Variants in TMEM207 observed in about 807,000 individuals in gnomAD.
The protein encoded by TMEM207 is transmembrane protein 207.
In TMEM207, 15 loss-of-function variants were observed where a neutral mutation model predicts 17.4. The ratio of observed to expected loss-of-function variants is 0.86; its 90% CI spans 0.58 to 1.33. TMEM207 has a LOEUF of 1.33. Among genes scored for constraint, TMEM207 ranks in the 40% most tolerant of loss-of-function variants. The pLI, the probability that TMEM207 is intolerant of heterozygous loss-of-function variation, is 0.00. For synonymous variants in TMEM207, 70 were observed against 65.6 expected, an observed-to-expected ratio of 1.07 and a Z score of -0.33; for missense variants, 205 against 173.8, an observed-to-expected ratio of 1.18 and a Z score of -1.01.
chr3:190,442,000 C>T (rs534705323), intron 2 of TMEM207, among the ~76,000 whole-genome samples: 5 of 152,272 alleles, frequency 3.3e-5, no homozygotes, highest in Admixed American at 1.3e-4. Context: ...AATGAATGAA[C>T]GTGGCCATAC....
chr3:190,449,782 T>C lies in TMEM207; in HGVS notation c.28A>G (p.Thr10Ala). The C allele has an allele frequency of 6.2e-7, 1 of 1,613,826 alleles. No homozygotes were observed. The highest frequency in any genetic ancestry group is 8.5e-7 in the Non-Finnish European group (1 of 1,179,798). MSRSRLFSVTSAISTIGILC... is the reference protein window; with the variant it reads MSRSRLFSVASAISTIGILC... Reference sequence around the variant, plus strand: ...ATCCCTATCGTTGAGATCGCTGAGGTGACACTGAAAAGTCTGGATCTTGAC... The same window carrying C: ...ATCCCTATCGTTGAGATCGCTGAGGCGACACTGAAAAGTCTGGATCTTGAC... Residue 10 changes from threonine to alanine, a missense_variant, in exon 1 of 5, where the codon ACC becomes GCC. Physicochemically the swap from Thr to Ala is moderately conservative, Grantham distance 58. Coordinates refer to ENST00000354905, the MANE Select transcript of TMEM207 (RefSeq NM_207316.3).
intron 1 of TMEM207, among the ~76,000 whole-genome samples, chr3:190,448,255 C>G (rs1254841648): frequency 6.6e-6 from 1 of 151,934 alleles, no homozygotes; most frequent in African/African-American, 2.4e-5. Flanking sequence ...AAACAGAAGT[C>G]AAGCCTATTA....
At chr3:190,444,390 C>CTCTTATCACCCA in intron 2 of TMEM207, 1 of 984,096 alleles carries the variant, frequency 1.0e-6, no homozygotes, top group Non-Finnish European at 1.2e-6. Flanking sequence ...ATCACCATGT[C>CTCTTATCACCCA]GTGGTGCGAC....
intron 2 of TMEM207, among the ~76,000 whole-genome samples, chr3:190,445,968 G>T (rs1001279288): frequency 6.6e-6 from 1 of 152,106 alleles, no homozygotes; most frequent in Non-Finnish European, 1.5e-5. Context: ...CTACCTAGGC[G>T]ATCCATGTTT....
At chr3:190,433,103 A>T (rs1719724990) in intron 4 of TMEM207, among the ~76,000 whole-genome samples, 1 of 152,158 alleles carries the variant, frequency 6.6e-6, no homozygotes, top group South Asian at 2.1e-4. Flanking sequence ...ATGGACAAAC[A>T]ATTGTGGGGG....
intron 3 of TMEM207, among the ~76,000 whole-genome samples, chr3:190,440,661 A>T (rs1719909991): frequency 1.3e-5 from 2 of 152,182 alleles, no homozygotes; most frequent in African/African-American, 4.8e-5. Flanking sequence ...CAGAGTCTTA[A>T]TTCATTCATC....
chr3:190,440,167 T>C, intron 4 of TMEM207, 77 bp downstream of exon 4: 1 of 1,512,634 alleles, frequency 6.6e-7, no homozygotes, highest in East Asian at 2.3e-5. Flanking sequence ...AGATCTGCTT[T>C]TGGGAGAACA....
rs201070915 is a variant in TMEM207, at chr3:190,449,832, G to A, written c.-23C>T. On this transcript the variant is annotated 5_prime_UTR_variant, in exon 1 of 5. Transcript: ENST00000354905. ...CATATTTAAAGGACAGTCAACTTAG[G>A]ATAGTGGTTTGGTGCCTGTGTTTAT... The A allele has an allele frequency of 3.0e-5, 49 of 1,608,898 alleles. No individual in the cohort carries two copies. The African/African-American group carries it at 5.9e-4, about 19-fold the overall frequency.
At chr3:190,447,873 C>A in intron 1 of TMEM207, 46 bp from the exon 2 acceptor site, 1 of 1,572,614 alleles carries the variant, frequency 6.4e-7, no homozygotes, top group South Asian at 1.2e-5. Context: ...TCTCATCAGT[C>A]TAATCCTTTA....
At chr3:190,447,985 A>G (rs1205789972) in intron 1 of TMEM207, among the ~76,000 whole-genome samples, 158 bp from the exon 2 acceptor site, 1 of 152,174 alleles carries the variant, frequency 6.6e-6, no homozygotes, top group African/African-American at 2.4e-5. Context: ...CAGAATTTTA[A>G]TTGAAAAAAT....
Position 190,429,182 on chromosome 3 carries a change from T to G in TMEM207, c.*413A>C, listed in dbSNP as rs1017381781. ...GGTTCTGGTTCTGGACATGTTGGAT[T>G]CTCGGCTTGGGCTATTGTTAAATTA... On this transcript the variant is annotated 3_prime_UTR_variant, in exon 5 of 5. Transcript: ENST00000354905. The G allele has an allele frequency of 3.2e-5, 5 of 155,342 alleles. No homozygotes were observed. The highest frequency in any genetic ancestry group is 1.2e-4 in the African/African-American group (5 of 41,492). The allele number at this position is 155,342 out of a possible 1,614,324, so 9.6% of individuals were successfully genotyped here.
Position 190,446,430 on chromosome 3 carries a change from A to G in TMEM207, c.113+1360T>C, listed in dbSNP as rs148030193. 2.6e-3 allele frequency among the ~76,000 whole-genome samples: 398 copies of G among 152,166 alleles called. 2 individuals are homozygous for G. The highest frequency in any genetic ancestry group is 5.0e-3 in the Admixed American group (77 of 15,286). On this transcript the variant is annotated intron_variant, in intron 2 of 4. Coordinates refer to ENST00000354905, the MANE Select transcript of TMEM207 (RefSeq NM_207316.3). ...CGTCTTCAATACATTTACTTACCTT[A>G]TATGACCACCCTACATTCCCAGCCA...
intron 3 of TMEM207, 149 bp downstream of exon 3, chr3:190,441,289 A>G (rs1719931399): frequency 1.6e-6 from 1 of 622,660 alleles, no homozygotes; most frequent in East Asian, 3.1e-5. Context: ...ACATTGGCCA[A>G]CGATCTGAAA....
At chr3:190,444,518 A>C in intron 2 of TMEM207, 1 of 833,070 alleles carries the variant, frequency 1.2e-6, no homozygotes, top group Non-Finnish European at 1.4e-6. Flanking sequence ...AAAAAAAAAA[A>C]TAGAAATGAG....
In TMEM207 at chr3:190,428,926, G is replaced by T. The variant is rs1719628018; in HGVS notation, c.*669C>A. 6.6e-6 allele frequency: 1 copy of T among 152,090 alleles called. No individual in the cohort carries two copies. Among genetic ancestry groups the T allele is most frequent in the African/African-American group, 2.4e-5 (1 of 41,400 alleles). The allele number at this position is 152,090 out of a possible 1,614,324, so 9.4% of individuals were successfully genotyped here. On this transcript the variant is annotated 3_prime_UTR_variant, in exon 5 of 5. Transcript: ENST00000354905. Reference sequence around the variant, plus strand: ...AGGCCACATTCATTACTGTAAAAGGGGAACTTTTCTTTTCTCCCCGTGTTG... The same window carrying T: ...AGGCCACATTCATTACTGTAAAAGGTGAACTTTTCTTTTCTCCCCGTGTTG...
rs1392582247 is a variant in TMEM207 at position 190,432,467 on chromosome 3, A to C, written c.305-2736T>G. Among the ~76,000 whole-genome samples the C allele has an allele frequency of 3.9e-5, 6 of 152,226 alleles. No homozygotes were observed. The East Asian group carries it at 1.2e-3, about 29-fold the overall frequency. On this transcript the variant is annotated intron_variant, in intron 4 of 4. Transcript: ENST00000354905. ...GAGATTAAGGATGTCAAGTGTTAGC[A>C]CAGAGCATGGCTCCTGGGAAATGCT...
intron 4 of TMEM207, among the ~76,000 whole-genome samples, chr3:190,435,765 G>A (rs896061775): frequency 6.6e-6 from 1 of 152,158 alleles, no homozygotes; most frequent in African/African-American, 2.4e-5. Context: ...ACATTAGCCC[G>A]GGAAACACTA....
At chr3:190,437,789 A>G (rs1719835133) in intron 4 of TMEM207, among the ~76,000 whole-genome samples, 1 of 151,622 alleles carries the variant, frequency 6.6e-6, no homozygotes, top group Admixed American at 6.6e-5. Context: ...CTATAAAGAC[A>G]CATGCACACG....
chr3:190,434,146 G>T (rs971463177), intron 4 of TMEM207, among the ~76,000 whole-genome samples: 6 of 152,102 alleles, frequency 3.9e-5, no homozygotes, highest in Non-Finnish European at 8.8e-5. Context: ...AACACAGGAA[G>T]TCTTCTGTGT....
Sources: gnomAD v4.1 joint callset for allele counts (sites outside exome capture counted in the v4.1 genomes callset) on GRCh38, gnomAD v4.1.1 for gene constraint, MANE v1.5 for transcripts, NCBI Gene and HGNC (gene_info 2026-07-23, HGNC 2026-07-21) for gene names.